Variants in ASIC4 observed in about 807,000 individuals in gnomAD.
The protein encoded by ASIC4 is acid-sensing ion channel 4.
A neutral mutation model predicts 53.4 loss-of-function variants in ASIC4; 28 were observed. The observed-to-expected ratio is 0.52, with a 90% CI of 0.39 to 0.72. The LOEUF (loss-of-function observed/expected upper bound fraction) is 0.72. ASIC4 is among the 30% of genes least tolerant of loss of function. ASIC4 has a pLI of 0.00. For synonymous variants in ASIC4, 289 were observed against 301.4 expected (o/e 0.96, Z 0.43); for missense variants, 649 against 729.7 (o/e 0.89, Z 1.27).
upstream of ASIC4, among the ~76,000 whole-genome samples, chr2:219,509,302 C>T (rs1694668530): frequency 6.6e-6 from 1 of 151,628 alleles, no homozygotes; most frequent in African/African-American, 2.4e-5. The surrounding 1 kb of genome is among the most constrained non-coding windows in gnomAD (Gnocchi z 5.2). Flanking sequence ...TGGGTGTGCC[C>T]AGAGCTGCAC....
intron 1 of ASIC4, among the ~76,000 whole-genome samples, chr2:219,523,936 A>G (rs1162797426): frequency 1.3e-5 from 2 of 151,440 alleles, no homozygotes; most frequent in Non-Finnish European, 2.9e-5. Context: ...AGATCCTCCC[A>G]CCTCAGCCTC....
intron 1 of ASIC4, among the ~76,000 whole-genome samples, chr2:219,521,072 G>A (rs1042666116): frequency 6.6e-5 from 10 of 152,232 alleles, no homozygotes; most frequent in African/African-American, 2.2e-4. Context: ...CACACCAGCT[G>A]CGGCTCAGAC....
chr2:219,510,332 G>A (rs372480019), upstream of ASIC4, among the ~76,000 whole-genome samples: 8 of 151,532 alleles, frequency 5.3e-5, no homozygotes, highest in East Asian at 9.7e-4. This position sits in a 1 kb window ranked among gnomAD's most constrained non-coding sequence, Gnocchi z 5.2. Flanking sequence ...AGCTCTCTCC[G>A]CTCTCTGACC....
chr2:219,517,709 G>T lies in ASIC4; in HGVS notation c.582+2403G>T, dbSNP rs1051774642. Among the ~76,000 whole-genome samples the T allele has an allele frequency of 5.9e-5, 9 of 152,124 alleles. No homozygotes were observed. Among genetic ancestry groups the T allele is most frequent in the Admixed American group, 6.5e-5 (1 of 15,280 alleles). ...ATGGGGTCTCCAAAAAGGACGTGAGGTCCATAATCAGCTCTGTGGTGAGGA... is the reference window on the plus strand; with the variant it reads ...ATGGGGTCTCCAAAAAGGACGTGAGTTCCATAATCAGCTCTGTGGTGAGGA... On this transcript the variant is annotated intron_variant, in intron 1 of 9. Transcript: ENST00000358078. The surrounding 1 kb of genome is among the most constrained non-coding windows in gnomAD (Gnocchi z 4.2).
rs1335592489 is a variant in ASIC4 at position 219,531,915 on chromosome 2, G to T, written c.727+13G>T. On this transcript the variant is annotated intron_variant, in intron 2 of 9. Coordinates refer to ENST00000358078, the MANE Select transcript of ASIC4 (RefSeq NM_018674.6). ...TGGAGGGAGACAAGTACGCAGGCCG[G>T]AAAGGGACAAGGGCCACCTTGGGGA... 6.2e-7 allele frequency: 1 copy of T among 1,611,380 alleles called. No homozygotes were observed. Among genetic ancestry groups the T allele is most frequent in the South Asian group, 1.1e-5 (1 of 90,796 alleles).
chr2:219,528,280 G>A (rs1694989088), intron 1 of ASIC4, among the ~76,000 whole-genome samples: 1 of 152,206 alleles, frequency 6.6e-6, no homozygotes, highest in Non-Finnish European at 1.5e-5. Context: ...CTGGAGTGCA[G>A]TGGCGTGATC....
intron 5 of ASIC4, 23 bp from the exon 6 acceptor site, chr2:219,535,148 T>A: frequency 6.2e-7 from 1 of 1,602,302 alleles, no homozygotes; most frequent in South Asian, 1.1e-5. Flanking sequence ...ACTCCCACTG[T>A]AGCTGCTACC....
At chr2:219,514,276 C>T (rs990224014), upstream of ASIC4, 4 of 1,467,200 alleles carry the variant, frequency 2.7e-6, no homozygotes, top group Admixed American at 7.4e-5. Context: ...GCTCCTGACG[C>T]CCGTGCTGCC....
At chr2:219,511,763 TG>T (rs1013213446), upstream of ASIC4, among the ~76,000 whole-genome samples, 3 of 86,708 alleles carry the variant, frequency 3.5e-5, no homozygotes, top group African/African-American at 1.3e-4. This position sits in a 1 kb window ranked among gnomAD's most constrained non-coding sequence, Gnocchi z 5.3. Context: ...AGGGCCGGGG[TG>T]GGGGTGGGGA....
chr2:219,534,558 C>T (rs145508228), intron 5 of ASIC4, among the ~76,000 whole-genome samples: 38 of 152,334 alleles, frequency 2.5e-4, no homozygotes, highest in African/African-American at 9.1e-4. Flanking sequence ...CTGGGGCCTC[C>T]TGTTGGCCAA....
intron 1 of ASIC4, 108 bp downstream of exon 1, chr2:219,515,414 A>T (rs1238484814): frequency 7.4e-7 from 1 of 1,355,858 alleles, no homozygotes; most frequent in African/African-American, 1.5e-5. Flanking sequence ...GCTTCCCTTC[A>T]TTCCACCACC....
intron 1 of ASIC4, among the ~76,000 whole-genome samples, chr2:219,519,132 C>A (rs573715588): frequency 2.6e-5 from 4 of 152,192 alleles, no homozygotes; most frequent in Non-Finnish European, 5.9e-5. Flanking sequence ...TCTCGATCTC[C>A]TGACCTCGTG....
Position 219,537,221 on chromosome 2 carries a change from C to T in ASIC4, c.1322-21C>T. On this transcript the variant is annotated intron_variant, in intron 7 of 9. Transcript: ENST00000358078. This position sits in a 1 kb window ranked among gnomAD's most constrained non-coding sequence, Gnocchi z 4.9. ...GGATCGGCCCGGCCGCTCCCTCTGA[C>T]ACTGCTCTCCTGCTTCCCAGGAGAC... 1 of 1,612,842 alleles carries T rather than the reference C, an allele frequency of 6.2e-7. No homozygotes were observed. The highest frequency in any genetic ancestry group is 8.5e-7 in the Non-Finnish European group (1 of 1,179,142).
chr2:219,533,361 C>G (rs898106905), intron 5 of ASIC4: 5 of 264,560 alleles, frequency 1.9e-5, no homozygotes, highest in African/African-American at 1.1e-4. Flanking sequence ...ATCCATTCAT[C>G]GATTCGCGCA....
chr2:219,515,176 G>C lies in ASIC4; in HGVS notation c.452G>C (p.Arg151Pro). 6.2e-7 allele frequency: 1 copy of C among 1,614,182 alleles called. No homozygotes were observed. Among genetic ancestry groups the C allele is most frequent in the South Asian group, 1.1e-5 (1 of 91,088 alleles). ...GLPPKDRDGH[R>P]AAGLRYPEPD... ...CCCCCCAAAGACCGGGATGGGCACC[G>C]TGCGGCTGGCCTGCGCTACCCAGAG... The change falls in exon 1 of 10, where the codon CGT (arginine) becomes CCT (proline). Residue 151 changes from arginine to proline, a missense_variant. Coordinates refer to ENST00000358078, the MANE Select transcript of ASIC4 (RefSeq NM_018674.6).
chr2:219,525,702 C>T (rs1694951949), intron 1 of ASIC4, among the ~76,000 whole-genome samples: 1 of 152,220 alleles, frequency 6.6e-6, no homozygotes, highest in Non-Finnish European at 1.5e-5. Flanking sequence ...TACTGGGCCA[C>T]CCCTGAATAA....
intron 1 of ASIC4, among the ~76,000 whole-genome samples, chr2:219,515,684 C>A (rs1368325225): frequency 1.3e-5 from 2 of 152,200 alleles, no homozygotes; most frequent in African/African-American, 4.8e-5. Context: ...TCTCTTGCTC[C>A]CTTTTTCTTC....
At position 219,535,404 on chromosome 2, in the gene ASIC4, T is replaced by G; in HGVS notation, c.1229+80T>G. On this transcript the variant is annotated intron_variant, in intron 6 of 9. Coordinates refer to ENST00000358078, the MANE Select transcript of ASIC4 (RefSeq NM_018674.6). ...TGGGGGGTGGCTGTGTGACTCTGTG[T>G]GTACGTGTGTGTGAGTGTATGTGTG... is the stretch of plus-strand genomic sequence containing the variant. 4.9e-6 allele frequency: 7 copies of G among 1,418,978 alleles called. No individual in the cohort carries two copies. In the South Asian group the frequency reaches 8.3e-5, roughly 17 times the overall value. The allele number at this position is 1,418,978 out of a possible 1,614,324, so 87.9% of individuals were successfully genotyped here.
intron 1 of ASIC4, among the ~76,000 whole-genome samples, chr2:219,515,933 C>T (rs1694781038): frequency 6.6e-6 from 1 of 152,194 alleles, no homozygotes; most frequent in African/African-American, 2.4e-5. Flanking sequence ...TCCAGCCCTC[C>T]TGGGGTCCAG....
Sources: gnomAD v4.1 joint callset for allele counts (sites outside exome capture counted in the v4.1 genomes callset) on GRCh38, gnomAD v4.1.1 for gene constraint, Gnocchi (gnomAD v3.1) non-coding constraint, MANE v1.5 for transcripts, NCBI Gene and HGNC (gene_info 2026-07-23, HGNC 2026-07-21) for gene names.